Variants in CDH4 observed in about 807,000 individuals in gnomAD.
CDH4 encodes cadherin-4.
Under a neutral mutation model 86.0 loss-of-function variants are expected in CDH4, and 33 were observed. The observed-to-expected ratio is 0.38, with a 90% confidence interval of 0.29 to 0.51. The LOEUF (loss-of-function observed/expected upper bound fraction) is 0.51. Ranked by LOEUF, CDH4 falls within the 20% of genes least tolerant of loss-of-function variation. The probability of loss-of-function intolerance (pLI) is 0.86; values close to 1 mark genes in which losing one functional copy is unlikely to be tolerated. For missense variants in CDH4, 1,114 were observed against 1,307.4 expected, an observed-to-expected ratio of 0.85 and a Z score of 2.28; for synonymous variants, 555 against 549.4, an observed-to-expected ratio of 1.01 and a Z score of -0.14.
rs191207905 is a variant in CDH4 at position 61,508,577 on chromosome 20, T to C, written c.170-234986T>C. 2.2e-3 allele frequency among the ~76,000 whole-genome samples: 328 copies of C among 152,198 alleles called. 2 individuals carry two copies. Among genetic ancestry groups the C allele is most frequent in the African/African-American group, 6.6e-3 (274 of 41,518 alleles). On this transcript the variant is annotated intron_variant, in intron 2 of 15. Coordinates refer to ENST00000614565, the MANE Select transcript of CDH4 (RefSeq NM_001794.5). ...GACCAGGCTGTGGCAGGGTTTGTAA[T>C]AGAGAACCAAGACAGGGGCATGTGT...
intron 2 of CDH4, among the ~76,000 whole-genome samples, chr20:61,537,736 G>T (rs1200673096): frequency 6.6e-6 from 1 of 152,162 alleles, no homozygotes; most frequent in African/African-American, 2.4e-5. Flanking sequence ...CAGATGCCTT[G>T]TTGGGAGTTA....
At chr20:61,429,057 C>T (rs191950205) in intron 2 of CDH4, among the ~76,000 whole-genome samples, 4 of 143,764 alleles carry the variant, frequency 2.8e-5, no homozygotes, top group South Asian at 2.2e-4. Context: ...ACGAAGATGA[C>T]GGTAACTTAT....
intron 4 of CDH4, among the ~76,000 whole-genome samples, chr20:61,832,038 G>A (rs1429326357): frequency 1.3e-5 from 2 of 152,244 alleles, no homozygotes; most frequent in African/African-American, 4.8e-5. Context: ...CCTGCAAGTT[G>A]GGTGGATGCT....
intron 2 of CDH4, among the ~76,000 whole-genome samples, chr20:61,489,972 T>TA (rs1192615369): frequency 1.3e-5 from 2 of 152,170 alleles, no homozygotes; most frequent in African/African-American, 4.8e-5. Context: ...TATTTTTTTT[T>TA]AAATTTTTCA....
intron 4 of CDH4, among the ~76,000 whole-genome samples, chr20:61,775,801 G>C (rs979478464): frequency 6.6e-6 from 1 of 152,176 alleles, no homozygotes; most frequent in Non-Finnish European, 1.5e-5. Context: ...TAGCACAACT[G>C]GGATATTCTG....
At chr20:61,778,624 G>A (rs146017491) in intron 4 of CDH4, among the ~76,000 whole-genome samples, 298 of 152,206 alleles carry the variant, frequency 2.0e-3, no homozygotes, top group Middle Eastern at 0.01. Context: ...GAATCAGACC[G>A]CAGTCTAAAG....
At chr20:61,359,973 G>A (rs2084775083) in intron 2 of CDH4, among the ~76,000 whole-genome samples, 1 of 152,228 alleles carries the variant, frequency 6.6e-6, no homozygotes, top group Non-Finnish European at 1.5e-5. Context: ...ATAACCAGAA[G>A]CTGAAATCTG....
intron 2 of CDH4, among the ~76,000 whole-genome samples, chr20:61,594,532 G>A (rs940330825): frequency 3.6e-4 from 55 of 152,182 alleles, no homozygotes; most frequent in African/African-American, 1.3e-3. Flanking sequence ...TGCATGGAAG[G>A]ACTGTACCTG....
intron 2 of CDH4, among the ~76,000 whole-genome samples, chr20:61,400,941 G>A (rs569990381): frequency 9.2e-5 from 14 of 152,300 alleles, no homozygotes; most frequent in African/African-American, 3.4e-4. Flanking sequence ...TTCTTTCTCT[G>A]TATTCTGCTT....
At chr20:61,268,530 ATT>A (rs2084168504) in intron 2 of CDH4, among the ~76,000 whole-genome samples, 1 of 152,120 alleles carries the variant, frequency 6.6e-6, no homozygotes, top group Non-Finnish European at 1.5e-5. Flanking sequence ...TGGTTTGAGT[ATT>A]TGTCCCTTCC....
chr20:61,753,086 G>A (rs1321098479), intron 3 of CDH4, among the ~76,000 whole-genome samples: 1 of 152,172 alleles, frequency 6.6e-6, no homozygotes, highest in Non-Finnish European at 1.5e-5. Context: ...ATGGGGGCAC[G>A]TGGTAAGCAA....
intron 2 of CDH4, among the ~76,000 whole-genome samples, chr20:61,616,283 G>T (rs943526258): frequency 1.3e-5 from 2 of 152,242 alleles, no homozygotes; most frequent in Non-Finnish European, 2.9e-5. Flanking sequence ...CGGGGAATCA[G>T]CCAGCCTCTG....
rs1212903178 is a variant in CDH4, at chr20:61,936,930, G to C, written c.2738G>C (p.Gly913Ala). ...AAGCTGGCGGACATGTATGGAGGTG[G>C]TGAAGAGGATTGACTGACCTCGCAT... Reference protein sequence around the residue: ...FKKLADMYGGGEED With the variant: ...FKKLADMYGGAEED The change falls in exon 16 of 16, where the codon GGT becomes GCT. Residue 913 changes from glycine (G) to alanine (A), a missense_variant. Physicochemically the swap from Gly to Ala is moderately conservative, Grantham distance 60. Around this residue, in one of 3 missense-constraint regions of CDH4, gnomAD observed 188 missense variants for 183.8 expected, o/e 1.02. Coordinates refer to ENST00000614565, the MANE Select transcript of CDH4 (RefSeq NM_001794.5). 6.3e-7 allele frequency: 1 copy of C among 1,580,186 alleles called. No individual in the cohort carries two copies. The highest frequency in any genetic ancestry group is 2.3e-5 in the East Asian group (1 of 42,582).
chr20:61,429,584 T>G (rs1600971027), intron 2 of CDH4, among the ~76,000 whole-genome samples: 1 of 144,698 alleles, frequency 6.9e-6, no homozygotes, highest in Admixed American at 6.9e-5. Flanking sequence ...GACAGATGGG[T>G]GGGTGGGTGG....
At chr20:61,298,006 G>A (rs1015750894) in intron 2 of CDH4, among the ~76,000 whole-genome samples, 6 of 152,238 alleles carry the variant, frequency 3.9e-5, no homozygotes, top group Admixed American at 1.3e-4. Flanking sequence ...CCGTTATCCC[G>A]TGTCAAGGAG....
At chr20:61,447,759 C>T (rs1487348163) in intron 2 of CDH4, among the ~76,000 whole-genome samples, 4 of 151,476 alleles carry the variant, frequency 2.6e-5, no homozygotes, top group South Asian at 2.1e-4. Flanking sequence ...ACGAGAATGT[C>T]ACCTTTTGCC....
chr20:61,722,162 A>G (rs562210822), intron 2 of CDH4, among the ~76,000 whole-genome samples: 5 of 151,980 alleles, frequency 3.3e-5, no homozygotes, highest in African/African-American at 1.2e-4. Context: ...ATCCATTAAA[A>G]TTACTTCTTT....
intron 2 of CDH4, among the ~76,000 whole-genome samples, chr20:61,610,496 C>T (rs2086676744): frequency 6.6e-6 from 1 of 152,204 alleles, no homozygotes; most frequent in Non-Finnish European, 1.5e-5. Context: ...ACCTGCTTTC[C>T]TTCCTTTAGG....
chr20:61,638,252 C>G (rs1261625308), intron 2 of CDH4, among the ~76,000 whole-genome samples: 1 of 152,098 alleles, frequency 6.6e-6, no homozygotes, highest in Non-Finnish European at 1.5e-5. Flanking sequence ...TCATGGCAGC[C>G]CTGAGTAAAC....
Sources: gnomAD v4.1 joint callset for allele counts (sites outside exome capture counted in the v4.1 genomes callset) on GRCh38, gnomAD v4.1.1 for gene constraint, gnomAD v4.1.1 regional missense constraint, MANE v1.5 for transcripts, NCBI Gene and HGNC (gene_info 2026-07-23, HGNC 2026-07-21) for gene names.